The following GMEB2 variants were observed in gnomAD, a reference collection of about 807,000 sequenced individuals.
GMEB2 encodes the protein glucocorticoid modulatory element binding protein 2, also known as glucocorticoid modulatory element-binding protein 2.
GMEB2 carries 7 observed loss-of-function variants against 45.7 expected under a neutral mutation model. That is an observed-to-expected ratio of 0.15 (90% CI 0.09 to 0.29). The LOEUF is 0.29. GMEB2 is among the 10% of genes least tolerant of loss of function. GMEB2 has a pLI of 1.00. For missense variants in GMEB2, 582 were observed against 739.2 expected, an observed-to-expected ratio of 0.79 and a Z score of 2.47; for synonymous variants, 322 against 323.6, an observed-to-expected ratio of 1.00 and a Z score of 0.05.
At position 63,619,441 on chromosome 20, in the gene GMEB2, CA is replaced by C. The variant is rs758823002; in HGVS notation, c.-45del. 1.3e-6 allele frequency: 2 copies of C among 1,595,694 alleles called. No homozygotes were observed. Among genetic ancestry groups the C allele is most frequent in the Non-Finnish European group, 8.5e-7 (1 of 1,175,132 alleles). On this transcript the variant is annotated 5_prime_UTR_variant, in exon 2 of 10. Coordinates refer to ENST00000370077, the MANE Select transcript of GMEB2 (RefSeq NM_012384.5). This position sits in a 1 kb window ranked among gnomAD's most constrained non-coding sequence, Gnocchi z 4.6. ...GCCCAGGCCAGCAGCGTCAGTCCTC[CA>C]GGGTCCCAAGTCCTGGAGGAAGCAA...
intron 4 of GMEB2, among the ~76,000 whole-genome samples, chr20:63,600,266 A>G (rs2083232230): frequency 6.6e-6 from 1 of 151,260 alleles, no homozygotes; most frequent in Non-Finnish European, 1.5e-5. Context: ...GCTGGTCTCG[A>G]ACTCCTGACC....
intron 1 of GMEB2, among the ~76,000 whole-genome samples, chr20:63,626,283 G>A (rs77595488): frequency 1.7e-3 from 122 of 72,164 alleles, no homozygotes; most frequent in Non-Finnish European, 4.1e-3. Context: ...GGCCCCTGCG[G>A]GTCGGGTGCC....
Position 63,589,704 on chromosome 20 carries a change from G to A in GMEB2, c.*385C>T, listed in dbSNP as rs115831456. ...GGGGCCTCGTGACCTGCTGCACCGCGTCCAGCACCTGCAGGGTCGCGCTCG... is the reference window on the plus strand; with the variant it reads ...GGGGCCTCGTGACCTGCTGCACCGCATCCAGCACCTGCAGGGTCGCGCTCG... On this transcript the variant is annotated 3_prime_UTR_variant, in exon 10 of 10. Transcript: ENST00000370077. 14 of 194,370 alleles carry A rather than the reference G, an allele frequency of 7.2e-5. No individual in the cohort carries two copies. Among genetic ancestry groups the A allele is most frequent in the Non-Finnish European group, 1.1e-4 (11 of 96,616 alleles). The allele number at this position is 194,370 out of a possible 1,614,324, so 12.0% of individuals were successfully genotyped here.
At chr20:63,621,322 C>T (rs1040279154) in intron 1 of GMEB2, among the ~76,000 whole-genome samples, 9 of 152,268 alleles carry the variant, frequency 5.9e-5, no homozygotes, top group East Asian at 3.9e-4. Context: ...AAATGGACGG[C>T]GGTGATGGCT....
At chr20:63,623,499 G>A (rs924453146) in intron 1 of GMEB2, among the ~76,000 whole-genome samples, 15 of 152,154 alleles carry the variant, frequency 9.9e-5, no homozygotes, top group South Asian at 4.1e-4. Flanking sequence ...AAACAAACAT[G>A]AATAAAAAGC....
At chr20:63,604,048 C>T (rs111377612) in intron 3 of GMEB2, among the ~76,000 whole-genome samples, 2,918 of 104,014 alleles carry the variant, frequency 0.028, 49 homozygotes, top group Admixed American at 0.039. Context: ...AGTGAGACTC[C>T]GTCTCAAAAA....
chr20:63,615,793 C>T (rs56299726), intron 2 of GMEB2, among the ~76,000 whole-genome samples: 2,202 of 152,304 alleles, frequency 0.014, 27 homozygotes, highest in Non-Finnish European at 0.02. Flanking sequence ...CACGGTGTGG[C>T]GACGCCCCAT....
chr20:63,593,140 C>A lies in GMEB2; in HGVS notation c.620-58G>T, dbSNP rs922485478. On this transcript the variant is annotated intron_variant, in intron 6 of 9. Coordinates refer to ENST00000370077, the MANE Select transcript of GMEB2 (RefSeq NM_012384.5). This position sits in a 1 kb window ranked among gnomAD's most constrained non-coding sequence, Gnocchi z 4.7. ...GTTTGGACCACAGTCCCACACCCCA[C>A]ATACCCTGTCCACCCTCCTCACACC... 1.0e-6 allele frequency: 1 copy of A among 1,003,944 alleles called. No individual in the cohort carries two copies. Among genetic ancestry groups the A allele is most frequent in the Non-Finnish European group, 1.6e-6 (1 of 637,988 alleles). 62.2% of individuals were successfully genotyped at this position (1,003,944 alleles called of 1,614,324 possible).
At position 63,595,728 on chromosome 20, in the gene GMEB2, A is replaced by G. The variant is rs311489; in HGVS notation, c.501T>C (p.His167=). 1,361,374 of 1,613,434 alleles carry G rather than the reference A, an allele frequency of 0.84. 576,545 individuals carry two copies. The highest frequency in any genetic ancestry group is 1 in the East Asian group (44,842 of 44,874). Residue 167 remains histidine, a synonymous_variant, in exon 6 of 10, where the codon CAT becomes CAC. Transcript: ENST00000370077. ...GGCAGGTGTTGGAGCAGACCTTGTCATGCTGGTAGAAGTCCAGTTCCCCGG... is the reference window on the plus strand; with the variant it reads ...GGCAGGTGTTGGAGCAGACCTTGTCGTGCTGGTAGAAGTCCAGTTCCCCGG... The part of the protein sequence containing the change: ...MDSGELDFYQ[H]DKVCSNTCRS...
Position 63,590,621 on chromosome 20 carries a change from G to A in GMEB2, c.1061C>T (p.Pro354Leu), listed in dbSNP as rs141199322. The change falls in exon 10 of 10, where the codon CCG (proline) becomes CTG (leucine). Residue 354 changes from proline (P) to leucine (L), a missense_variant. Pro to Leu is a moderately conservative substitution (Grantham distance 98). Around this residue, in one of 3 missense-constraint regions of GMEB2, gnomAD observed 462 missense variants for 586.7 expected, o/e 0.79. Coordinates refer to ENST00000370077, the MANE Select transcript of GMEB2 (RefSeq NM_012384.5). ...LMTLTPVSLP[P>L]PVKRPRLARA... ...TGCAAGCCGGGGCCGCTTCACAGGC[G>A]GTGGCAGGGAGACCGGCGTCAGCGT... is the stretch of plus-strand genomic sequence containing the variant. 6.3e-6 allele frequency: 10 copies of A among 1,591,004 alleles called. No individual in the cohort carries two copies. Among genetic ancestry groups the A allele is most frequent in the African/African-American group, 2.7e-5 (2 of 74,358 alleles).
At chr20:63,606,397 G>C (rs1386006625) in intron 2 of GMEB2, among the ~76,000 whole-genome samples, 2 of 148,710 alleles carry the variant, frequency 1.3e-5, no homozygotes, top group African/African-American at 4.9e-5. Context: ...GCTCAGGCTG[G>C]AGTGCAGTGG....
chr20:63,623,254 G>A (rs1405766211), intron 1 of GMEB2, among the ~76,000 whole-genome samples: 1 of 152,122 alleles, frequency 6.6e-6, no homozygotes, highest in Admixed American at 6.6e-5. Context: ...GGCCATCTAG[G>A]ACAGAGCGCC....
intron 2 of GMEB2, among the ~76,000 whole-genome samples, chr20:63,606,611 T>C (rs1157094465): frequency 2.0e-5 from 3 of 152,154 alleles, no homozygotes; most frequent in Non-Finnish European, 4.4e-5. Flanking sequence ...CCTACCAAAG[T>C]GCTGGGATTA....
chr20:63,589,254 C>G lies in GMEB2; in HGVS notation c.*835G>C, dbSNP rs928533538. 5.0e-6 allele frequency: 2 copies of G among 398,654 alleles called. No homozygotes were observed. The highest frequency in any genetic ancestry group is 4.4e-5 in the Admixed American group (1 of 22,718). The allele number at this position is 398,654 out of a possible 1,614,324, so 24.7% of individuals were successfully genotyped here. A position where few individuals can be genotyped will look rare whatever the true frequency, so the allele number is the denominator to read the frequency against. Reference sequence around the variant, plus strand: ...ACAGGCTGCCCAGGACCTCCGCACCCGGTCAAGTGCACTCACAGGGGCTCA... The same window carrying G: ...ACAGGCTGCCCAGGACCTCCGCACCGGGTCAAGTGCACTCACAGGGGCTCA... On this transcript the variant is annotated 3_prime_UTR_variant, in exon 10 of 10. Coordinates refer to ENST00000370077, the MANE Select transcript of GMEB2 (RefSeq NM_012384.5).
chr20:63,593,563 C>A lies in GMEB2; in HGVS notation c.620-481G>T, dbSNP rs1429045969. Reference sequence around the variant, plus strand: ...ATAAATCTCAGTATCTATCATGTTTCCATTTTTCTACACCAGAACAAGTGG... The same window carrying A: ...ATAAATCTCAGTATCTATCATGTTTACATTTTTCTACACCAGAACAAGTGG... On this transcript the variant is annotated intron_variant, in intron 6 of 9. Coordinates refer to ENST00000370077, the MANE Select transcript of GMEB2 (RefSeq NM_012384.5). This position sits in a 1 kb window ranked among gnomAD's most constrained non-coding sequence, Gnocchi z 4.7. 6.6e-6 allele frequency among the ~76,000 whole-genome samples: 1 copy of A among 152,048 alleles called. No individual in the cohort carries two copies. The highest frequency in any genetic ancestry group is 1.5e-5 in the Non-Finnish European group (1 of 68,026).
intron 2 of GMEB2, 30 bp from the exon 3 acceptor site, chr20:63,604,870 A>T: frequency 7.6e-7 from 1 of 1,311,644 alleles, no homozygotes; most frequent in Non-Finnish European, 1.1e-6. Context: ...AGAGAATAGA[A>T]TCAGGATCCC....
intron 2 of GMEB2, among the ~76,000 whole-genome samples, chr20:63,612,469 G>C (rs1476200771): frequency 6.6e-6 from 1 of 152,178 alleles, no homozygotes; most frequent in East Asian, 1.9e-4. Context: ...TGGCCACAAG[G>C]GGTGAGCTGG....
rs760988118 is a variant in GMEB2, at chr20:63,590,702, C to T, written c.980G>A (p.Arg327His). The T allele has an allele frequency of 2.0e-6, 3 of 1,520,974 alleles. No homozygotes were observed. Among genetic ancestry groups the T allele is most frequent in the South Asian group, 1.3e-5 (1 of 77,306 alleles). 94.2% of individuals were successfully genotyped at this position (1,520,974 alleles called of 1,614,324 possible). The change falls in exon 10 of 10, where the codon CGT becomes CAT. Residue 327 changes from arginine to histidine, a missense_variant. Arg to His is a conservative substitution (Grantham distance 29, BLOSUM62 0). Transcript: ENST00000370077. ...GTGCTTCAGCTCCTTGGCTCGGCGA[C>T]GATGCTCATCACACTGCTGCTCCAG... is the stretch of plus-strand genomic sequence containing the variant. The part of the protein sequence containing the change: ...AALEQQCDEH[R>H]RRAKELKHKS...
At position 63,619,356 on chromosome 20, in the gene GMEB2, C is replaced by T. The variant is rs1464856592; in HGVS notation, c.42G>A (p.Val14=). ...PDVSVHMEEV[V]VVTTPDTAVD... is the part of the protein sequence containing the mutation. Reference sequence around the variant, plus strand: ...CTGCAGTGTCCGGAGTTGTCACAACCACCACCTCCTCCATGTGCACACTCA... The same window carrying T: ...CTGCAGTGTCCGGAGTTGTCACAACTACCACCTCCTCCATGTGCACACTCA... Residue 14 remains valine (V), a synonymous_variant, in exon 2 of 10, where the codon GTG becomes GTA. Transcript: ENST00000370077. The surrounding 1 kb of genome is among the most constrained non-coding windows in gnomAD (Gnocchi z 4.6). 5 of 1,612,702 alleles carry T rather than the reference C, an allele frequency of 3.1e-6. No homozygotes were observed. The highest frequency in any genetic ancestry group is 3.3e-5 in the Admixed American group (2 of 60,000).
Sources: gnomAD v4.1 joint callset for allele counts (sites outside exome capture counted in the v4.1 genomes callset) on GRCh38, gnomAD v4.1.1 for gene constraint, gnomAD v4.1.1 regional missense constraint, Gnocchi (gnomAD v3.1) non-coding constraint, MANE v1.5 for transcripts, NCBI Gene and HGNC (gene_info 2026-07-23, HGNC 2026-07-21) for gene names.